TECTA: variants seen among roughly 807,000 people sequenced by gnomAD.
The protein encoded by TECTA is tectorin alpha.
In TECTA, 128 loss-of-function variants were observed where a neutral mutation model predicts 216.8. The observed-to-expected ratio is 0.59, with a 90% CI of 0.51 to 0.68. The LOEUF (loss-of-function observed/expected upper bound fraction) is 0.68. Ranked by LOEUF, TECTA falls within the 30% of genes least tolerant of loss-of-function variation. The pLI is 0.00. For missense variants in TECTA, 2,551 were observed against 2,786.2 expected, an observed-to-expected ratio of 0.92 and a Z score of 1.90; for synonymous variants, 1,089 against 1,117.1, an observed-to-expected ratio of 0.97 and a Z score of 0.50.
rs113129776 is a variant in TECTA at position 121,117,846 on chromosome 11, G to A, written c.791-460G>A. Among the ~76,000 whole-genome samples, 328 of 152,266 alleles carry A rather than the reference G, an allele frequency of 2.2e-3. 4 individuals carry two copies. The highest frequency in any genetic ancestry group is 0.014 in the Middle Eastern group (4 of 294). On this transcript the variant is annotated intron_variant, in intron 6 of 23. Coordinates refer to ENST00000392793, the MANE Select transcript of TECTA (RefSeq NM_005422.4). ...TATTGACCTTTTCCTGCACATACTG[G>A]GCCCCCAACAAATGTCTGTTGAATG... is the stretch of plus-strand genomic sequence containing the variant.
chr11:121,160,080 A>G (rs994286908), intron 14 of TECTA, 55 bp from the exon 15 acceptor site: 1 of 1,612,500 alleles, frequency 6.2e-7, no homozygotes, highest in Admixed American at 1.7e-5. Flanking sequence ...TTCCTGAACA[A>G]GTTTGCCAAC....
rs372985365 is a variant in TECTA at position 121,123,801 on chromosome 11, T to C, written c.1204-1501T>C. 1.4e-4 allele frequency among the ~76,000 whole-genome samples: 22 copies of C among 152,348 alleles called. No individual in the cohort carries two copies. The East Asian group carries it at 3.1e-3, about 21-fold the overall frequency. On this transcript the variant is annotated intron_variant, in intron 7 of 23. Coordinates refer to ENST00000392793, the MANE Select transcript of TECTA (RefSeq NM_005422.4). ...AGAGTCAAAGCCAAAGTCTTTACAA[T>C]GGCTGACGGGCCCTGCTTGTTCTGG...
At chr11:121,123,051 A>G (rs1302287815) in intron 7 of TECTA, among the ~76,000 whole-genome samples, 1 of 152,232 alleles carries the variant, frequency 6.6e-6, no homozygotes, top group Non-Finnish European at 1.5e-5. Context: ...TGCTCAGACC[A>G]TCATCTCATC....
At chr11:121,128,461 G>C (rs769127258) in intron 9 of TECTA, 117 bp downstream of exon 9, 2 of 955,114 alleles carry the variant, frequency 2.1e-6, no homozygotes, top group Non-Finnish European at 3.1e-6. Context: ...TTAGAAAGAA[G>C]ATGGCTCCAA....
chr11:121,125,766 T>C lies in TECTA; in HGVS notation c.1668T>C (p.Ser556=). The C allele has an allele frequency of 6.2e-7, 1 of 1,614,138 alleles. No individual in the cohort carries two copies. The highest frequency in any genetic ancestry group is 8.5e-7 in the Non-Finnish European group (1 of 1,180,038). The change falls in exon 8 of 24, where the codon AGT becomes AGC. Residue 556 remains serine, a synonymous_variant. Transcript: ENST00000392793. ...ACAGCTGCGTGTATGACCTGTGCAGTGTGAGGGACAATGGCACGCTCCTCT... is the reference window on the plus strand; with the variant it reads ...ACAGCTGCGTGTATGACCTGTGCAGCGTGAGGGACAATGGCACGCTCCTCT... ...FVHSCVYDLC[S]VRDNGTLLCQ...
At chr11:121,166,128 G>C (rs1022136880) in intron 17 of TECTA, among the ~76,000 whole-genome samples, 19 of 152,190 alleles carry the variant, frequency 1.2e-4, no homozygotes, top group Non-Finnish European at 2.6e-4. Context: ...CAAAAAGCAA[G>C]CTCCTAGTGC....
intron 11 of TECTA, among the ~76,000 whole-genome samples, chr11:121,144,903 T>G (rs1033860936): frequency 6.6e-6 from 1 of 152,092 alleles, no homozygotes; most frequent in Non-Finnish European, 1.5e-5. Context: ...TGCAATACAG[T>G]GTATGCAGGC....
At chr11:121,181,521 G>A (rs1947229285) in intron 20 of TECTA, among the ~76,000 whole-genome samples, 1 of 151,872 alleles carries the variant, frequency 6.6e-6, no homozygotes, top group Non-Finnish European at 1.5e-5. Flanking sequence ...CCATGCTGGA[G>A]TGCAATGGCG....
chr11:121,124,651 G>A (rs926419998), intron 7 of TECTA, among the ~76,000 whole-genome samples: 1 of 152,172 alleles, frequency 6.6e-6, no homozygotes, highest in Admixed American at 6.5e-5. Context: ...TGAGGGGCAG[G>A]GGCAATTATG....
intron 16 of TECTA, among the ~76,000 whole-genome samples, chr11:121,164,858 T>C (rs893695891): frequency 1.3e-5 from 2 of 152,204 alleles, no homozygotes; most frequent in African/African-American, 4.8e-5. Context: ...GATGTAGAGA[T>C]AAATGATCTG....
chr11:121,124,858 T>G (rs1946591956), intron 7 of TECTA, among the ~76,000 whole-genome samples: 1 of 152,148 alleles, frequency 6.6e-6, no homozygotes, highest in Non-Finnish European at 1.5e-5. Context: ...ACACTCGAGC[T>G]GAGAGTGGGG....
chr11:121,189,318 T>C lies in TECTA; in HGVS notation c.6250+151T>C, dbSNP rs543517957. 5.4e-6 allele frequency: 4 copies of C among 742,734 alleles called. No individual in the cohort carries two copies. The African/African-American group carries it at 7.0e-5, about 13-fold the overall frequency. The allele number at this position is 742,734 out of a possible 1,614,324, so 46.0% of individuals were successfully genotyped here. ...AACATCACCTGCTTCCTTAAAGACA[T>C]CTTTTCATTTACTTATAAACATTCA... On this transcript the variant is annotated intron_variant, in intron 22 of 23. Transcript: ENST00000392793.
intron 13 of TECTA, among the ~76,000 whole-genome samples, chr11:121,153,386 G>C (rs929808096): frequency 6.6e-6 from 1 of 152,192 alleles, no homozygotes; most frequent in African/African-American, 2.4e-5. Context: ...GCCTTTCTCT[G>C]ATTTTCTGTC....
intron 21 of TECTA, 126 bp from the exon 22 acceptor site, chr11:121,188,954 T>C (rs1947314384): frequency 2.2e-6 from 2 of 891,066 alleles, no homozygotes; most frequent in Non-Finnish European, 3.7e-6. Flanking sequence ...GCATTGGTTC[T>C]AATTAATCTG....
intron 10 of TECTA, among the ~76,000 whole-genome samples, chr11:121,131,832 A>G (rs1211120694): frequency 6.6e-6 from 1 of 152,162 alleles, no homozygotes; most frequent in East Asian, 1.9e-4. Context: ...GTTCCATTGA[A>G]ATTATGCATT....
intron 9 of TECTA, 40 bp from the exon 10 acceptor site, chr11:121,129,598 G>A (rs1355466009): frequency 1.2e-6 from 2 of 1,600,596 alleles, no homozygotes; most frequent in Admixed American, 1.7e-5. Flanking sequence ...AAAGTGCTCT[G>A]TGTGTCTCTG....
rs1481533330 is a variant in TECTA at position 121,147,944 on chromosome 11, A to AATT, written c.4105+1829_4105+1831dup. 1.3e-5 allele frequency among the ~76,000 whole-genome samples: 2 copies of AATT among 152,218 alleles called. 1 individual carries two copies. Among genetic ancestry groups the AATT allele is most frequent in the Admixed American group, 1.3e-4 (2 of 15,284 alleles). On this transcript the variant is annotated intron_variant, in intron 12 of 23. Coordinates refer to ENST00000392793, the MANE Select transcript of TECTA (RefSeq NM_005422.4). ...TTTGTCACTCATGGGAAGGAAAAGA[A>AATT]ATTGAGTCAGCAAGGCCTCACAACC...
At position 121,129,872 on chromosome 11, in the gene TECTA, A is replaced by G; in HGVS notation, c.2602A>G (p.Thr868Ala). ...GTTCTGTCTCCCCAACGGCAAGTGC[A>G]CGGACAACCTGGCAGTGTTCCTGGA... ...DEFCLPNGKC[T>A]DNLAVFLESW... Residue 868 changes from threonine (T) to alanine (A), a missense_variant, in exon 10 of 24, where the codon ACG (threonine) becomes GCG (alanine). Thr to Ala is a moderately conservative substitution (Grantham distance 58). Around this residue, in one of 3 missense-constraint regions of TECTA, gnomAD observed 2,375 missense variants for 2,563.9 expected, o/e 0.93. Coordinates refer to ENST00000392793, the MANE Select transcript of TECTA (RefSeq NM_005422.4). 6 of 1,614,240 alleles carry G rather than the reference A, an allele frequency of 3.7e-6. No homozygotes were observed. The highest frequency in any genetic ancestry group is 5.1e-6 in the Non-Finnish European group (6 of 1,180,042).
At chr11:121,173,015 C>T (rs1376171099) in intron 20 of TECTA, among the ~76,000 whole-genome samples, 1 of 150,232 alleles carries the variant, frequency 6.7e-6, no homozygotes, top group Non-Finnish European at 1.5e-5. Flanking sequence ...TCATGTCCTT[C>T]ACCCACTTTT....
Sources: gnomAD v4.1 joint callset for allele counts (sites outside exome capture counted in the v4.1 genomes callset) on GRCh38, gnomAD v4.1.1 for gene constraint, gnomAD v4.1.1 regional missense constraint, MANE v1.5 for transcripts, NCBI Gene and HGNC (gene_info 2026-07-23, HGNC 2026-07-21) for gene names.